Variants in PCDH15 observed in about 807,000 individuals in gnomAD.
The protein encoded by PCDH15 is protocadherin-15.
Under a neutral mutation model 178.5 loss-of-function variants are expected in PCDH15, and 129 were observed. The ratio of observed to expected loss-of-function variants is 0.72; its 90% CI spans 0.63 to 0.84. PCDH15 has a LOEUF of 0.84. Among genes scored for constraint, PCDH15 ranks in the 40% least tolerant of loss-of-function variants. The pLI, the probability that PCDH15 is intolerant of heterozygous loss-of-function variation, is 0.00. For synonymous variants in PCDH15, 800 were observed against 732.0 expected, an observed-to-expected ratio of 1.09 and a Z score of -1.50; for missense variants, 2,230 against 2,099.9, an observed-to-expected ratio of 1.06 and a Z score of -1.21.
At chr10:54,630,971 A>G (rs1203398280) in intron 2 of PCDH15, among the ~76,000 whole-genome samples, 4 of 152,150 alleles carry the variant, frequency 2.6e-5, no homozygotes, top group Non-Finnish European at 5.9e-5. Context: ...TCTCACACCA[A>G]TCGGAATGCT....
At chr10:55,214,297 C>T (rs1334249812) in intron 1 of PCDH15, among the ~76,000 whole-genome samples, 1 of 148,968 alleles carries the variant, frequency 6.7e-6, no homozygotes, top group Non-Finnish European at 1.5e-5. Flanking sequence ...TTTATATAGC[C>T]TTATCATTTT....
In PCDH15 at chr10:54,306,819, C is replaced by G. The variant is rs57016910; in HGVS notation, c.876+10452G>C. ...GACAAAGAATTACATCCTGTCTATA[C>G]AGTCATGCCAAATCACATGATCCAT... On this transcript the variant is annotated intron_variant, in intron 8 of 37. Coordinates refer to ENST00000644397, the MANE Select transcript of PCDH15 (RefSeq NM_001384140.1). Among the ~76,000 whole-genome samples the G allele has an allele frequency of 5.7e-3, 863 of 150,852 alleles. 10 individuals are homozygous for G. Among genetic ancestry groups the G allele is most frequent in the African/African-American group, 0.02 (817 of 41,238 alleles).
intron 1 of PCDH15, among the ~76,000 whole-genome samples, chr10:54,790,267 T>C (rs1455037449): frequency 2.6e-5 from 4 of 151,784 alleles, no homozygotes; most frequent in African/African-American, 9.7e-5. Flanking sequence ...AGCATCTCAG[T>C]GCCCAGCCAC....
intron 1 of PCDH15, among the ~76,000 whole-genome samples, chr10:55,191,699 G>A (rs537516477): frequency 6.6e-6 from 1 of 151,716 alleles, no homozygotes; most frequent in South Asian, 2.1e-4. Context: ...TTTTATGAAG[G>A]TTCATTTCTT....
intron 3 of PCDH15, among the ~76,000 whole-genome samples, chr10:54,832,730 C>A (rs895388702): frequency 2.0e-5 from 3 of 152,062 alleles, no homozygotes; most frequent in African/African-American, 4.8e-5. Context: ...AAATGAGGAC[C>A]CTTTTATTAC....
intron 8 of PCDH15, among the ~76,000 whole-genome samples, chr10:54,315,377 T>C (rs1564942675): frequency 1.4e-5 from 2 of 138,358 alleles, no homozygotes; most frequent in African/African-American, 2.4e-5. Context: ...CACTTTTTGA[T>C]GTTTTTATTT....
At chr10:53,846,728 A>C (rs1020620984) in intron 28 of PCDH15, among the ~76,000 whole-genome samples, 2 of 152,056 alleles carry the variant, frequency 1.3e-5, no homozygotes, top group South Asian at 2.1e-4. Flanking sequence ...TGCATTATGA[A>C]AAACTGTAGT....
intron 1 of PCDH15, among the ~76,000 whole-genome samples, chr10:55,282,786 A>G (rs1034409621): frequency 6.6e-5 from 10 of 152,296 alleles, no homozygotes; most frequent in Admixed American, 3.9e-4. Context: ...AGAGCTTTCA[A>G]TAATTTCATC....
At chr10:55,554,556 T>C (rs1842054497) in intron 2 of PCDH15, among the ~76,000 whole-genome samples, 1 of 152,012 alleles carries the variant, frequency 6.6e-6, no homozygotes, top group Non-Finnish European at 1.5e-5. Flanking sequence ...TATGAAGACA[T>C]TTTTTAATCA....
chr10:54,979,389 C>T (rs1839160126), intron 2 of PCDH15, among the ~76,000 whole-genome samples: 1 of 152,040 alleles, frequency 6.6e-6, no homozygotes. Context: ...TATTTTCCTG[C>T]CAGGTGAGGT....
intron 2 of PCDH15, among the ~76,000 whole-genome samples, chr10:54,945,577 T>C (rs935604788): frequency 6.6e-6 from 1 of 151,644 alleles, no homozygotes; most frequent in Non-Finnish European, 1.5e-5. Flanking sequence ...ATAATTTTCA[T>C]GGTAAATATT....
intron 6 of PCDH15, among the ~76,000 whole-genome samples, chr10:54,330,633 GC>G: frequency 6.6e-6 from 1 of 151,858 alleles, no homozygotes; most frequent in Middle Eastern, 3.4e-3. Context: ...TAAGTTCTCT[GC>G]CCTGTCTAGG....
At chr10:54,605,362 T>A (rs748485443) in intron 2 of PCDH15, among the ~76,000 whole-genome samples, 9 of 152,046 alleles carry the variant, frequency 5.9e-5, no homozygotes, top group Non-Finnish European at 1.3e-4. Flanking sequence ...TCGATTTTTT[T>A]AATTTTGTCT....
chr10:54,013,207 C>A, intron 20 of PCDH15, among the ~76,000 whole-genome samples: 1 of 152,132 alleles, frequency 6.6e-6, no homozygotes. Flanking sequence ...ATAAGAAGAT[C>A]TAAATATCCC....
At chr10:55,496,806 A>C (rs1476383251) in intron 2 of PCDH15, among the ~76,000 whole-genome samples, 1 of 151,914 alleles carries the variant, frequency 6.6e-6, no homozygotes, top group African/African-American at 2.4e-5. Context: ...GAATAATCTT[A>C]ATATATTGTT....
chr10:54,135,484 C>T lies in PCDH15; in HGVS notation c.1785-2477G>A, dbSNP rs527848334. Among the ~76,000 whole-genome samples, 35 of 152,202 alleles carry T rather than the reference C, an allele frequency of 2.3e-4. No homozygotes were observed. The South Asian group carries it at 6.4e-3, about 28-fold the overall frequency. On this transcript the variant is annotated intron_variant, in intron 14 of 37. Coordinates refer to ENST00000644397, the MANE Select transcript of PCDH15 (RefSeq NM_001384140.1). ...AAATGTATTGTATACTGCAAAGATT[C>T]CCACTTCCGTGTTGTGAGAACAAAA...
intron 3 of PCDH15, among the ~76,000 whole-genome samples, chr10:54,862,924 A>G (rs1297581781): frequency 6.6e-6 from 1 of 152,296 alleles, no homozygotes; most frequent in Non-Finnish European, 1.5e-5. Context: ...GTAACACAAA[A>G]TTAACAGAGA....
chr10:54,181,986 T>C (rs1162317994), intron 13 of PCDH15, among the ~76,000 whole-genome samples: 1 of 152,012 alleles, frequency 6.6e-6, no homozygotes, highest in Non-Finnish European at 1.5e-5. Context: ...TAAGACGGAG[T>C]CTCTCTCTGT....
intron 2 of PCDH15, among the ~76,000 whole-genome samples, chr10:54,645,317 C>CAG (rs764348815): frequency 9.4e-5 from 14 of 149,592 alleles, no homozygotes; most frequent in East Asian, 7.8e-4. Context: ...CTGAGAGAGA[C>CAG]AGAGAGAGAG....
Sources: allele counts gnomAD v4.1 joint callset (sites outside exome capture counted in the v4.1 genomes callset), GRCh38; gene constraint gnomAD v4.1.1; transcripts MANE v1.5; gene names NCBI Gene and HGNC (gene_info 2026-07-23, HGNC 2026-07-21).